USP38: variants seen among roughly 807,000 people sequenced by gnomAD.
The protein encoded by USP38 is ubiquitin specific peptidase 38, also known as ubiquitin carboxyl-terminal hydrolase 38.
USP38 carries 49 observed loss-of-function variants against 94.3 expected under a neutral mutation model. That is an observed-to-expected ratio of 0.52 (90% CI 0.41 to 0.66). USP38 has a LOEUF of 0.66. Among genes scored for constraint, USP38 ranks in the 30% least tolerant of loss-of-function variants. The pLI is 0.00. For synonymous variants in USP38, 468 were observed against 463.6 expected (o/e 1.01, Z -0.12); for missense variants, 1,128 against 1,229.4 (o/e 0.92, Z 1.23).
chr4:143,215,850 A>G (rs1278205040), intron 9 of USP38, among the ~76,000 whole-genome samples: 1 of 152,166 alleles, frequency 6.6e-6, no homozygotes, highest in Non-Finnish European at 1.5e-5. Flanking sequence ...TTAAAGAAGT[A>G]TAGCGATGTT....
chr4:143,187,993 G>C, intron 2 of USP38, 32 bp downstream of exon 2: 1 of 1,574,802 alleles, frequency 6.3e-7, no homozygotes, highest in Non-Finnish European at 8.6e-7. Context: ...AATGGTAATT[G>C]TAGATTTGGG....
intron 9 of USP38, among the ~76,000 whole-genome samples, chr4:143,215,876 CAATA>C (rs1214489733): frequency 6.6e-6 from 1 of 151,926 alleles, no homozygotes; most frequent in Non-Finnish European, 1.5e-5. Context: ...GTGACAAAAA[CAATA>C]AACTTTACAG....
Position 143,185,337 on chromosome 4 carries a change from C to T in USP38, c.-114C>T. ...AGGCGGCGGTGGCCGTGGCCCGTCG[C>T]GCTGCTGCTGCGGCGCTCCAAGTTC... On this transcript the variant is annotated 5_prime_UTR_variant, in exon 1 of 10. Coordinates refer to ENST00000307017, the MANE Select transcript of USP38 (RefSeq NM_032557.6). The T allele has an allele frequency of 8.2e-7, 1 of 1,214,546 alleles. No homozygotes were observed. The allele number at this position is 1,214,546 out of a possible 1,614,324, so 75.2% of individuals were successfully genotyped here.
intron 1 of USP38, among the ~76,000 whole-genome samples, chr4:143,187,572 A>G (rs1042906065): frequency 6.6e-6 from 1 of 152,218 alleles, no homozygotes; most frequent in Non-Finnish European, 1.5e-5. Context: ...AAAGTAACTT[A>G]TGGACTAACC....
chr4:143,210,586 CA>C (rs540768498), intron 7 of USP38, among the ~76,000 whole-genome samples: 292 of 132,830 alleles, frequency 2.2e-3, no homozygotes, highest in East Asian at 0.014. Flanking sequence ...GCCCCTGTCT[CA>C]AAAAAAAAAA....
At position 143,186,189 on chromosome 4, in the gene USP38, C is replaced by G. The variant is rs1030462657; in HGVS notation, c.682+57C>G. On this transcript the variant is annotated intron_variant, in intron 1 of 9. Transcript: ENST00000307017. ...AAAAAATCAGTATATGTCTCTCTTG[C>G]ACACACACATTCACACCATGTTTTC... 5.3e-6 allele frequency: 8 copies of G among 1,519,400 alleles called. No homozygotes were observed. In the African/African-American group the frequency reaches 1.1e-4, roughly 21 times the overall value. 94.1% of individuals were successfully genotyped at this position (1,519,400 alleles called of 1,614,324 possible). A position where few individuals can be genotyped will look rare whatever the true frequency, so the allele number is the denominator to read the frequency against.
At chr4:143,209,431 G>A (rs950689005) in intron 6 of USP38, 133 bp from the exon 7 acceptor site, 22 of 505,736 alleles carry the variant, frequency 4.4e-5, no homozygotes, top group Non-Finnish European at 7.1e-5. Flanking sequence ...TTGAGGTTTC[G>A]GTGAGCTGAG....
rs1414156119 is a variant in USP38, at chr4:143,222,565, A to T, written c.*2109A>T. Reference sequence around the variant, plus strand: ...TTCTATCCAAAGTTGTTTGAATCTAAGGATACAGAGCCTGAGGATATGGAA... The same window carrying T: ...TTCTATCCAAAGTTGTTTGAATCTATGGATACAGAGCCTGAGGATATGGAA... On this transcript the variant is annotated 3_prime_UTR_variant, in exon 10 of 10. Transcript: ENST00000307017. 2 of 152,062 alleles carry T rather than the reference A, an allele frequency of 1.3e-5. No individual in the cohort carries two copies. Among genetic ancestry groups the T allele is most frequent in the African/African-American group, 4.8e-5 (2 of 41,456 alleles). 9.4% of individuals were successfully genotyped at this position (152,062 alleles called of 1,614,324 possible).
Position 143,220,394 on chromosome 4 carries a change from T to C in USP38, c.3067T>C (p.Cys1023Arg). The change falls in exon 10 of 10, where the codon TGT (cysteine) becomes CGT (arginine). Residue 1023 changes from cysteine to arginine, a missense_variant. Coordinates refer to ENST00000307017, the MANE Select transcript of USP38 (RefSeq NM_032557.6). ...TGATGACAACGACCCACCAGGAAGC[T>C]GTGGACCAACTGGTGGAGGGGGTGG... ...GFDDNDPPGS[C>R]GPTGGGGGGG... The C allele has an allele frequency of 2.5e-6, 4 of 1,613,448 alleles. No homozygotes were observed. The highest frequency in any genetic ancestry group is 1.7e-6 in the Non-Finnish European group (2 of 1,179,588).
At position 143,220,478 on chromosome 4, in the gene USP38, A is replaced by G. The variant is rs200398559; in HGVS notation, c.*22A>G. 66 of 1,599,854 alleles carry G rather than the reference A, an allele frequency of 4.1e-5. No homozygotes were observed. The highest frequency in any genetic ancestry group is 1.7e-4 in the Middle Eastern group (1 of 5,994). ...TTGATCCTGAGAGAGTCCAAAATGC[A>G]CTGGTCACGAAACGTCTAATACTAT... On this transcript the variant is annotated 3_prime_UTR_variant, in exon 10 of 10. Coordinates refer to ENST00000307017, the MANE Select transcript of USP38 (RefSeq NM_032557.6).
intron 9 of USP38, among the ~76,000 whole-genome samples, chr4:143,217,972 T>C (rs984479863): frequency 3.9e-5 from 6 of 152,128 alleles, no homozygotes; most frequent in African/African-American, 2.4e-5. Context: ...ATTGTTTTAA[T>C]GTCTGGAATA....
In USP38 at chr4:143,185,308, G is replaced by A. The variant is rs530029609; in HGVS notation, c.-143G>A. The A allele has an allele frequency of 5.7e-4, 505 of 890,912 alleles. 1 individual carries two copies. The African/African-American group carries it at 6.7e-3, about 12-fold the overall frequency. 55.2% of individuals were successfully genotyped at this position (890,912 alleles called of 1,614,324 possible). A position where few individuals can be genotyped will look rare whatever the true frequency, so the allele number is the denominator to read the frequency against. ...GTCTCCCTGCGCCATAAATGTGGCT[G>A]CTGAGGCGGCGGTGGCCGTGGCCCG... is the stretch of plus-strand genomic sequence containing the variant. On this transcript the variant is annotated 5_prime_UTR_variant, in exon 1 of 10. Coordinates refer to ENST00000307017, the MANE Select transcript of USP38 (RefSeq NM_032557.6).
At chr4:143,209,812 C>A (rs6846288) in intron 7 of USP38, among the ~76,000 whole-genome samples, 155 bp downstream of exon 7, 1 of 128,458 alleles carries the variant, frequency 7.8e-6, no homozygotes, top group African/African-American at 2.7e-5. Flanking sequence ...AGAGATCCTG[C>A]CTAAAATATC....
intron 3 of USP38, 105 bp from the exon 4 acceptor site, chr4:143,197,718 A>AG: frequency 1.4e-6 from 1 of 712,576 alleles, no homozygotes; most frequent in Non-Finnish European, 2.4e-6. Flanking sequence ...ACTTTCCAGA[A>AG]GGGGGACATT....
chr4:143,215,012 C>G (rs879112126), intron 9 of USP38, 69 bp downstream of exon 9: 30 of 1,422,378 alleles, frequency 2.1e-5, no homozygotes, highest in Non-Finnish European at 2.8e-5. Flanking sequence ...TGAGTACCCT[C>G]ATTTTGAAAT....
chr4:143,221,509 GTTTT>G lies in USP38; in HGVS notation c.*1056_*1059del, dbSNP rs947330654. The stretch of plus-strand genomic sequence containing the variant: ...CATATTTTTAGAGTTTTACATTTGG[GTTTT>G]TTGTTTGTTTGTTTCAGTCATATGT... On this transcript the variant is annotated 3_prime_UTR_variant, in exon 10 of 10. Transcript: ENST00000307017. 9 of 152,384 alleles carry G rather than the reference GTTTT, an allele frequency of 5.9e-5. No individual in the cohort carries two copies. Among genetic ancestry groups the G allele is most frequent in the African/African-American group, 1.9e-4 (8 of 41,410 alleles). 9.4% of individuals were successfully genotyped at this position (152,384 alleles called of 1,614,324 possible).
rs1490216006 is a variant in USP38 at position 143,221,356 on chromosome 4, G to A, written c.*900G>A. On this transcript the variant is annotated 3_prime_UTR_variant, in exon 10 of 10. Transcript: ENST00000307017. ...AGATTTTCCAGAAGTAAAATCTGATGGTTCTAAATCAATCAATGTGATAGT... is the reference window on the plus strand; with the variant it reads ...AGATTTTCCAGAAGTAAAATCTGATAGTTCTAAATCAATCAATGTGATAGT... 1 of 152,422 alleles carries A rather than the reference G, an allele frequency of 6.6e-6. No individual in the cohort carries two copies. The highest frequency in any genetic ancestry group is 2.4e-5 in the African/African-American group (1 of 41,398). 9.4% of individuals were successfully genotyped at this position (152,422 alleles called of 1,614,324 possible). A position where few individuals can be genotyped will look rare whatever the true frequency, so the allele number is the denominator to read the frequency against.
At chr4:143,212,783 C>T (rs1732063681) in intron 8 of USP38, among the ~76,000 whole-genome samples, 1 of 152,092 alleles carries the variant, frequency 6.6e-6, no homozygotes, top group Admixed American at 6.6e-5. Flanking sequence ...AGATATGAGG[C>T]TCCAGCTGTC....
At chr4:143,192,836 G>A (rs1159493071) in intron 2 of USP38, among the ~76,000 whole-genome samples, 1 of 152,128 alleles carries the variant, frequency 6.6e-6, no homozygotes, top group Non-Finnish European at 1.5e-5. Flanking sequence ...TTATTTATAG[G>A]TGGTCAGGAG....
Sources: gnomAD v4.1 joint callset for allele counts (sites outside exome capture counted in the v4.1 genomes callset) on GRCh38, gnomAD v4.1.1 for gene constraint, MANE v1.5 for transcripts, NCBI Gene and HGNC (gene_info 2026-07-23, HGNC 2026-07-21) for gene names.